Variants in HCN1 observed in about 807,000 individuals in gnomAD.
HCN1 encodes hyperpolarization activated cyclic nucleotide gated potassium channel 1, also known as potassium/sodium hyperpolarization-activated cyclic nucleotide-gated channel 1.
Under a neutral mutation model 78.9 loss-of-function variants are expected in HCN1, and 13 were observed. That is an observed-to-expected ratio of 0.16 (90% CI 0.11 to 0.26). The LOEUF (loss-of-function observed/expected upper bound fraction) is 0.26. HCN1 is among the 10% of genes least tolerant of loss of function. HCN1 has a pLI of 1.00. For missense variants in HCN1, 810 were observed against 1,154.3 expected, an observed-to-expected ratio of 0.70 and a Z score of 4.32; for synonymous variants, 552 against 455.5, an observed-to-expected ratio of 1.21 and a Z score of -2.70.
intron 2 of HCN1, among the ~76,000 whole-genome samples, chr5:45,494,547 G>A (rs1442694003): frequency 1.3e-5 from 2 of 151,760 alleles, no homozygotes; most frequent in Non-Finnish European, 2.9e-5. Flanking sequence ...CCATTTTGTG[G>A]GTTGCCTGTT....
intron 2 of HCN1, among the ~76,000 whole-genome samples, chr5:45,510,681 G>C (rs957949453): frequency 6.6e-6 from 1 of 152,038 alleles, no homozygotes; most frequent in Admixed American, 6.6e-5. Flanking sequence ...GAAGAATGAG[G>C]ACCTGATTCT....
At chr5:45,375,937 T>C (rs1385102368) in intron 4 of HCN1, among the ~76,000 whole-genome samples, 8 of 120,818 alleles carry the variant, frequency 6.6e-5, no homozygotes, top group African/African-American at 2.7e-4. Flanking sequence ...TGATATAATA[T>C]TTTATCACAT....
chr5:45,405,208 T>A (rs1259332903), intron 3 of HCN1, among the ~76,000 whole-genome samples: 1 of 152,140 alleles, frequency 6.6e-6, no homozygotes, highest in Non-Finnish European at 1.5e-5. Context: ...GAAAGTTGCA[T>A]TTAAAAGTTC....
chr5:45,420,878 A>T (rs1740213002), intron 3 of HCN1, among the ~76,000 whole-genome samples: 1 of 152,192 alleles, frequency 6.6e-6, no homozygotes, highest in Admixed American at 6.5e-5. Flanking sequence ...TCTAATTCCC[A>T]AAGTGACAGC....
intron 2 of HCN1, among the ~76,000 whole-genome samples, chr5:45,619,854 A>G (rs1745023000): frequency 6.6e-6 from 1 of 152,070 alleles, no homozygotes; most frequent in Non-Finnish European, 1.5e-5. Context: ...GGTAGAGATT[A>G]ATTTCTCTCT....
intron 1 of HCN1, among the ~76,000 whole-genome samples, chr5:45,690,887 T>C (rs1739897125): frequency 6.6e-6 from 1 of 152,092 alleles, no homozygotes; most frequent in Admixed American, 6.6e-5. Flanking sequence ...TGAAAGTTCT[T>C]TTCCGGAGCC....
At chr5:45,312,762 C>T (rs745988732) in intron 5 of HCN1, among the ~76,000 whole-genome samples, 10 of 152,212 alleles carry the variant, frequency 6.6e-5, no homozygotes, top group Non-Finnish European at 1.2e-4. Flanking sequence ...CAGAGCCTTG[C>T]TCATTGCTAG....
At chr5:45,375,099 T>TAATATATAATATATTATATATAATAC in intron 4 of HCN1, among the ~76,000 whole-genome samples, 1 of 125,540 alleles carries the variant, frequency 8.0e-6, no homozygotes, top group African/African-American at 3.0e-5. Context: ...TATAATATAA[T>TAATATATAATATATTATATATAATAC]ATTTTATAAT....
intron 2 of HCN1, among the ~76,000 whole-genome samples, chr5:45,631,363 C>T (rs1452238800): frequency 6.6e-6 from 1 of 152,052 alleles, no homozygotes; most frequent in Admixed American, 6.6e-5. Flanking sequence ...GTTTAAAACC[C>T]TACAGAGCTA....
At chr5:45,414,254 GTTAA>G (rs1385549691) in intron 3 of HCN1, among the ~76,000 whole-genome samples, 4 of 151,928 alleles carry the variant, frequency 2.6e-5, no homozygotes, top group South Asian at 2.1e-4. Context: ...TTAGTTATTT[GTTAA>G]TCTTGTCTCC....
intron 4 of HCN1, among the ~76,000 whole-genome samples, chr5:45,380,666 A>G (rs2112025072): frequency 6.6e-6 from 1 of 152,238 alleles, no homozygotes; most frequent in Non-Finnish European, 1.5e-5. Flanking sequence ...TGGCCATGAC[A>G]CCTAATAAGA....
At chr5:45,482,651 G>A (rs1741678087) in intron 2 of HCN1, among the ~76,000 whole-genome samples, 1 of 152,064 alleles carries the variant, frequency 6.6e-6, no homozygotes, top group Non-Finnish European at 1.5e-5. Flanking sequence ...GGGTACATGT[G>A]CAGGTTTGTT....
chr5:45,651,560 A>G (rs928167567), intron 1 of HCN1, among the ~76,000 whole-genome samples: 1 of 152,020 alleles, frequency 6.6e-6, no homozygotes, highest in Non-Finnish European at 1.5e-5. Context: ...AGTCCTCAAA[A>G]TCATGTCCCA....
chr5:45,314,733 T>C (rs540062311), intron 5 of HCN1, among the ~76,000 whole-genome samples: 11 of 151,208 alleles, frequency 7.3e-5, no homozygotes, highest in Admixed American at 5.9e-4. Context: ...ACCAAGCAAA[T>C]AGAAAACAAA....
chr5:45,279,071 T>C (rs1399979984), intron 6 of HCN1, among the ~76,000 whole-genome samples: 18 of 152,158 alleles, frequency 1.2e-4, no homozygotes, highest in Non-Finnish European at 1.5e-5. Context: ...TATTGAATCT[T>C]AACTTAGGCA....
chr5:45,305,425 C>G (rs1745708721), intron 5 of HCN1, among the ~76,000 whole-genome samples: 1 of 151,972 alleles, frequency 6.6e-6, no homozygotes, highest in Non-Finnish European at 1.5e-5. Flanking sequence ...AAAATATTTA[C>G]AAATAAGCAA....
chr5:45,367,748 TAA>T (rs1457384809), intron 4 of HCN1, among the ~76,000 whole-genome samples: 1 of 151,868 alleles, frequency 6.6e-6, no homozygotes. Context: ...CTAACTACAA[TAA>T]AGTCAAAACT....
chr5:45,418,885 C>T (rs909263447), intron 3 of HCN1, among the ~76,000 whole-genome samples: 25 of 152,182 alleles, frequency 1.6e-4, no homozygotes, highest in African/African-American at 5.8e-4. Flanking sequence ...ATGTCATTAA[C>T]ATAATCAGAT....
At chr5:45,375,747 T>TATAATATATTTTATGATACATATTATAG (rs1561131692) in intron 4 of HCN1, among the ~76,000 whole-genome samples, 190 of 113,554 alleles carry the variant, frequency 1.7e-3, no homozygotes, top group African/African-American at 7.2e-3. Flanking sequence ...ATATCTTATA[T>TATAATATATTTTATGATACATATTATAG]ATAATATCAT....
Sources: gnomAD v4.1 joint callset for allele counts (sites outside exome capture counted in the v4.1 genomes callset) on GRCh38, gnomAD v4.1.1 for gene constraint, MANE v1.5 for transcripts, NCBI Gene and HGNC (gene_info 2026-07-23, HGNC 2026-07-21) for gene names.